The following PLXNA2 variants were observed in gnomAD, a reference collection of about 807,000 sequenced individuals.
PLXNA2 encodes the protein plexin A2.
PLXNA2 carries 91 observed loss-of-function variants against 193.5 expected under a neutral mutation model. That is an observed-to-expected ratio of 0.47 (90% CI 0.40 to 0.56). The LOEUF is 0.56. Among genes scored for constraint, PLXNA2 ranks in the 20% least tolerant of loss-of-function variants. The pLI is 0.00. For missense variants in PLXNA2, 1,995 were observed against 2,503.2 expected (o/e 0.80, Z 4.33); for synonymous variants, 997 against 1,027.3 (o/e 0.97, Z 0.56).
chr1:208,156,191 A>G (rs985999336), intron 3 of PLXNA2, among the ~76,000 whole-genome samples: 2 of 152,218 alleles, frequency 1.3e-5, no homozygotes, highest in Non-Finnish European at 2.9e-5. Flanking sequence ...GAGATGACCT[A>G]TGTTGGAATA....
At chr1:208,114,623 C>T (rs1189785659) in intron 4 of PLXNA2, among the ~76,000 whole-genome samples, 1 of 152,270 alleles carries the variant, frequency 6.6e-6, no homozygotes. Flanking sequence ...CCATGGAATG[C>T]ATCTTCTCCA....
intron 3 of PLXNA2, among the ~76,000 whole-genome samples, chr1:208,167,069 G>T (rs538862403): frequency 1.3e-5 from 2 of 152,248 alleles, no homozygotes; most frequent in East Asian, 3.9e-4. Context: ...TAGGTTGCTG[G>T]GGATAAGCAT....
At chr1:208,033,782 C>T (rs945193415) in intron 27 of PLXNA2, among the ~76,000 whole-genome samples, 1 of 152,232 alleles carries the variant, frequency 6.6e-6, no homozygotes, top group African/African-American at 2.4e-5. Context: ...TCTACTCTGA[C>T]ACTCCCAGCA....
intron 4 of PLXNA2, among the ~76,000 whole-genome samples, chr1:208,106,978 T>C (rs1448994298): frequency 6.6e-6 from 1 of 152,154 alleles, no homozygotes; most frequent in Non-Finnish European, 1.5e-5. Flanking sequence ...AAGGGAGGGA[T>C]GGTGCAAGTC....
intron 1 of PLXNA2, among the ~76,000 whole-genome samples, chr1:208,226,326 C>G (rs761778839): frequency 6.6e-6 from 1 of 152,098 alleles, no homozygotes; most frequent in Non-Finnish European, 1.5e-5. Context: ...CTGCTTTTAA[C>G]GTCAGGGAGA....
At chr1:208,175,812 T>C (rs1241472915) in intron 3 of PLXNA2, among the ~76,000 whole-genome samples, 1 of 152,122 alleles carries the variant, frequency 6.6e-6, no homozygotes, top group Non-Finnish European at 1.5e-5. Context: ...AGAGAGTGCC[T>C]CAGAAAACCT....
At chr1:208,100,971 C>A (rs935462778) in intron 5 of PLXNA2, among the ~76,000 whole-genome samples, 1 of 152,220 alleles carries the variant, frequency 6.6e-6, no homozygotes, top group Non-Finnish European at 1.5e-5. Flanking sequence ...GATTCGCACC[C>A]TAACTCCCTC....
chr1:208,217,744 C>T lies in PLXNA2; in HGVS notation c.179G>A (p.Gly60Glu), dbSNP rs1210065751. The change falls in exon 2 of 32, where the codon GGG becomes GAG. Residue 60 changes from glycine (G) to glutamate (E), a missense_variant. By Grantham distance (98) the Gly-to-Glu change is moderately conservative (BLOSUM62 -2). Around this residue, in one of 3 missense-constraint regions of PLXNA2, gnomAD observed 702 missense variants for 812.9 expected, o/e 0.86. Coordinates refer to ENST00000367033, the MANE Select transcript of PLXNA2 (RefSeq NM_025179.4). The surrounding 1 kb of genome is among the most constrained non-coding windows in gnomAD (Gnocchi z 4.7). Reference protein sequence around the residue: ...FNHLTVHQGTGAVYVGAINRV... With the variant: ...FNHLTVHQGTEAVYVGAINRV... ...GTTGATGGCCCCCACATAGACGGCC[C>T]CCGTCCCTTGGTGGACGGTCAAGTG... The T allele has an allele frequency of 1.9e-6, 3 of 1,614,192 alleles. No individual in the cohort carries two copies. The South Asian group carries it at 3.3e-5, about 18-fold the overall frequency.
chr1:208,101,253 C>T (rs1475083527), intron 5 of PLXNA2, among the ~76,000 whole-genome samples: 2 of 152,170 alleles, frequency 1.3e-5, no homozygotes, highest in East Asian at 1.9e-4. Context: ...CAATTCCCCC[C>T]AACCCCTCAG....
intron 13 of PLXNA2, 99 bp downstream of exon 13, chr1:208,060,587 G>T: frequency 8.1e-7 from 1 of 1,233,198 alleles, no homozygotes; most frequent in Non-Finnish European, 1.1e-6. Context: ...AATGTAATGG[G>T]AGATCAATCA....
chr1:208,129,549 A>T (rs1478004911), intron 4 of PLXNA2, among the ~76,000 whole-genome samples: 1 of 152,218 alleles, frequency 6.6e-6, no homozygotes, highest in East Asian at 1.9e-4. Context: ...TTTGGGAAAT[A>T]GTCCTTGAAT....
intron 3 of PLXNA2, among the ~76,000 whole-genome samples, chr1:208,149,072 C>A (rs35573779): frequency 0.011 from 1,705 of 152,288 alleles, 25 homozygotes; most frequent in Non-Finnish European, 0.016. Context: ...CAGAAGAGGC[C>A]TTTATCACTC....
chr1:208,151,568 C>T (rs564916417), intron 3 of PLXNA2, among the ~76,000 whole-genome samples: 43 of 152,266 alleles, frequency 2.8e-4, no homozygotes, highest in African/African-American at 1.0e-3. Flanking sequence ...CTAGCACTTC[C>T]TGGGACTGGA....
At chr1:208,060,663 A>G in intron 13 of PLXNA2, 23 bp downstream of exon 13, 4 of 1,590,404 alleles carry the variant, frequency 2.5e-6, no homozygotes, top group East Asian at 2.3e-5. Context: ...CCATGGGAAA[A>G]GGGCTGGCCA....
At chr1:208,239,931 T>C (rs747103420) in intron 1 of PLXNA2, among the ~76,000 whole-genome samples, 3 of 152,000 alleles carry the variant, frequency 2.0e-5, no homozygotes, top group Non-Finnish European at 4.4e-5. Flanking sequence ...ACACAGCAAA[T>C]GTTAAGCTGG....
Position 208,217,252 on chromosome 1 carries a change from G to C in PLXNA2, c.671C>G (p.Ser224Cys), listed in dbSNP as rs1243245068. 1.9e-6 allele frequency: 3 copies of C among 1,614,080 alleles called. No individual in the cohort carries two copies. The highest frequency in any genetic ancestry group is 2.5e-6 in the Non-Finnish European group (3 of 1,180,050). ...DYELHSDFVS[S>C]LIKIPSDTLA... is the part of the protein sequence containing the mutation. ...GGTGTCTGAAGGGATCTTGATGAGA[G>C]AGGAGACAAAATCGCTGTGTAGCTC... Residue 224 changes from serine (S) to cysteine (C), a missense_variant, in exon 2 of 32, where the codon TCT becomes TGT. Physicochemically the swap from Ser to Cys is moderately radical, Grantham distance 112. Coordinates refer to ENST00000367033, the MANE Select transcript of PLXNA2 (RefSeq NM_025179.4). This position sits in a 1 kb window ranked among gnomAD's most constrained non-coding sequence, Gnocchi z 4.7.
chr1:208,051,189 C>G, intron 16 of PLXNA2, 67 bp downstream of exon 16: 1 of 1,594,728 alleles, frequency 6.3e-7, no homozygotes, highest in Admixed American at 1.7e-5. Flanking sequence ...CTCTCATGAG[C>G]CAGACTTGGG....
At chr1:208,170,785 T>C (rs1335099546) in intron 3 of PLXNA2, among the ~76,000 whole-genome samples, 1 of 152,118 alleles carries the variant, frequency 6.6e-6, no homozygotes, top group Admixed American at 6.5e-5. Context: ...CAACAAGTGT[T>C]TTAAGTGCCT....
intron 4 of PLXNA2, among the ~76,000 whole-genome samples, chr1:208,124,700 A>C (rs1667915930): frequency 6.6e-6 from 1 of 150,554 alleles, no homozygotes; most frequent in Non-Finnish European, 1.5e-5. Flanking sequence ...AAAAAAAAAA[A>C]AAAGAACCAG....
Sources: gnomAD v4.1 joint callset for allele counts (sites outside exome capture counted in the v4.1 genomes callset) on GRCh38, gnomAD v4.1.1 for gene constraint, gnomAD v4.1.1 regional missense constraint, Gnocchi (gnomAD v3.1) non-coding constraint, MANE v1.5 for transcripts, NCBI Gene and HGNC (gene_info 2026-07-23, HGNC 2026-07-21) for gene names.